The following FANCC variants were observed in gnomAD, a reference collection of about 807,000 sequenced individuals.
The protein encoded by FANCC is Fanconi anemia group C protein.
FANCC carries 55 observed loss-of-function variants against 71.3 expected under a neutral mutation model. The ratio of observed to expected loss-of-function variants is 0.77; its 90% CI spans 0.62 to 0.97. The LOEUF (loss-of-function observed/expected upper bound fraction) is 0.97, where lower values mean the gene tolerates loss of function less well. FANCC is among the 50% of genes least tolerant of loss of function. The probability of loss-of-function intolerance (pLI) is 0.00; values close to 1 mark genes in which losing one functional copy is unlikely to be tolerated. For synonymous variants in FANCC, 275 were observed against 244.9 expected (o/e 1.12, Z -1.15); for missense variants, 678 against 670.9 (o/e 1.01, Z -0.12).
At chr9:95,263,498 A>ATG (rs1042625090) in intron 1 of FANCC, among the ~76,000 whole-genome samples, 2 of 146,482 alleles carry the variant, frequency 1.4e-5, no homozygotes, top group Admixed American at 6.9e-5. Flanking sequence ...GTGTGTATGT[A>ATG]TGTGTATATA....
intron 14 of FANCC, among the ~76,000 whole-genome samples, chr9:95,104,580 A>G (rs1477212746): frequency 6.6e-6 from 1 of 152,160 alleles, no homozygotes; most frequent in African/African-American, 2.4e-5. Flanking sequence ...CTCTGGGCCC[A>G]GTCTTGAGGG....
At chr9:95,188,872 C>T (rs1826897809) in intron 4 of FANCC, among the ~76,000 whole-genome samples, 1 of 152,166 alleles carries the variant, frequency 6.6e-6, no homozygotes, top group African/African-American at 2.4e-5. Flanking sequence ...ACTCTGCATA[C>T]TCAAACTTAC....
chr9:95,291,947 CAAA>C (rs775436297), intron 1 of FANCC, among the ~76,000 whole-genome samples: 1,262 of 40,634 alleles, frequency 0.031, 15 homozygotes, highest in African/African-American at 0.084. Flanking sequence ...GACTCTGTCT[CAAA>C]AAAAAAAAAA....
intron 4 of FANCC, 26 bp downstream of exon 4, chr9:95,240,623 G>A: frequency 6.6e-7 from 1 of 1,519,754 alleles, no homozygotes; most frequent in South Asian, 1.1e-5. Context: ...ATTCAAAGAA[G>A]TGCAGAGCAA....
At chr9:95,244,523 C>T (rs1488962911) in intron 3 of FANCC, among the ~76,000 whole-genome samples, 1 of 151,580 alleles carries the variant, frequency 6.6e-6, no homozygotes, top group African/African-American at 2.4e-5. Flanking sequence ...AGTAAGAATA[C>T]AAAAAATTAG....
rs1173034463 is a variant in FANCC at position 95,304,849 on chromosome 9, T to C, written c.-79+12677A>G. 2.1e-5 allele frequency among the ~76,000 whole-genome samples: 3 copies of C among 144,880 alleles called. No homozygotes were observed. The East Asian group carries it at 6.1e-4, about 30-fold the overall frequency. The stretch of plus-strand genomic sequence containing the variant: ...GTTGTGTCCTTTATGCTGATGGAAA[T>C]AGCCAAAGTTCCTCTGAAAAAGGTA... On this transcript the variant is annotated intron_variant, in intron 1 of 14. Coordinates refer to ENST00000289081, the MANE Select transcript of FANCC (RefSeq NM_000136.3).
chr9:95,131,506 A>G (rs1343159119), intron 8 of FANCC, among the ~76,000 whole-genome samples: 1 of 152,210 alleles, frequency 6.6e-6, no homozygotes, highest in African/African-American at 2.4e-5. Context: ...CTTTCTTCAC[A>G]GAGACTATGC....
intron 14 of FANCC, among the ~76,000 whole-genome samples, chr9:95,106,378 T>C (rs931397723): frequency 2.2e-4 from 34 of 152,262 alleles, no homozygotes; most frequent in African/African-American, 7.5e-4. Flanking sequence ...TAATCATATA[T>C]ATTATTTCCA....
chr9:95,177,403 C>T (rs1168933724), intron 4 of FANCC, among the ~76,000 whole-genome samples: 1 of 152,168 alleles, frequency 6.6e-6, no homozygotes, highest in Non-Finnish European at 1.5e-5. Context: ...AATATGAAGG[C>T]CGAAGACATG....
chr9:95,104,048 G>A (rs891508005), intron 14 of FANCC, among the ~76,000 whole-genome samples: 8 of 152,120 alleles, frequency 5.3e-5, no homozygotes, highest in Admixed American at 2.6e-4. Flanking sequence ...GGGAAAGGCC[G>A]TCCCACCAAA....
At chr9:95,143,019 G>T (rs1396575621) in intron 7 of FANCC, among the ~76,000 whole-genome samples, 1 of 152,208 alleles carries the variant, frequency 6.6e-6, no homozygotes, top group African/African-American at 2.4e-5. Context: ...GCCAATCACA[G>T]GTCTAGGCCT....
intron 7 of FANCC, among the ~76,000 whole-genome samples, chr9:95,143,539 A>C (rs960043979): frequency 5.9e-5 from 9 of 152,276 alleles, no homozygotes; most frequent in African/African-American, 2.2e-4. Flanking sequence ...CACTCAGGAA[A>C]TTTCAAGGGT....
At chr9:95,102,357 A>T (rs1382745942) in intron 14 of FANCC, among the ~76,000 whole-genome samples, 1 of 152,212 alleles carries the variant, frequency 6.6e-6, no homozygotes, top group East Asian at 1.9e-4. Flanking sequence ...TAAGGTTTTA[A>T]CACCTGATTC....
chr9:95,125,016 C>G (rs1049910861), intron 10 of FANCC, 70 bp downstream of exon 10: 4 of 1,355,852 alleles, frequency 3.0e-6, no homozygotes, highest in Non-Finnish European at 4.2e-6. Flanking sequence ...ATAAAGTGCT[C>G]TTGTCCAAAA....
chr9:95,274,199 G>A (rs530617114), intron 1 of FANCC, among the ~76,000 whole-genome samples: 24 of 152,058 alleles, frequency 1.6e-4, no homozygotes, highest in Non-Finnish European at 2.8e-4. Flanking sequence ...GACAGACCCT[G>A]GTGTGTGATG....
intron 1 of FANCC, among the ~76,000 whole-genome samples, chr9:95,253,356 T>C (rs1831468748): frequency 6.6e-6 from 1 of 152,136 alleles, no homozygotes; most frequent in Non-Finnish European, 1.5e-5. Context: ...TCTTGACAGG[T>C]AGAACTCAGT....
At chr9:95,165,940 TA>T in intron 6 of FANCC, among the ~76,000 whole-genome samples, 1 of 152,102 alleles carries the variant, frequency 6.6e-6, no homozygotes, top group East Asian at 1.9e-4. Flanking sequence ...ATCTGCTTCA[TA>T]TATTTGGATG....
chr9:95,261,326 T>C (rs542964121), intron 1 of FANCC, among the ~76,000 whole-genome samples: 26 of 152,350 alleles, frequency 1.7e-4, no homozygotes, highest in Admixed American at 3.9e-4. Flanking sequence ...CAAAATCCTT[T>C]ATCTTGCTCC....
Position 95,099,155 on chromosome 9 carries a change from A to G in FANCC, c.*2552T>C, listed in dbSNP as rs9673. The G allele has an allele frequency of 0.026, 5,601 of 215,522 alleles. 107 individuals carry two copies. Among genetic ancestry groups the G allele is most frequent in the Admixed American group, 0.044 (749 of 17,096 alleles). The allele number at this position is 215,522 out of a possible 1,614,324, so 13.4% of individuals were successfully genotyped here. ...CACAGATGTCACGGAGTCCAGGGGA[A>G]TAACAGCCTGGTTGGAGGGGCGCTC... On this transcript the variant is annotated 3_prime_UTR_variant, in exon 15 of 15. Coordinates refer to ENST00000289081, the MANE Select transcript of FANCC (RefSeq NM_000136.3).
Sources: gnomAD v4.1 joint callset for allele counts (sites outside exome capture counted in the v4.1 genomes callset) on GRCh38, gnomAD v4.1.1 for gene constraint, MANE v1.5 for transcripts, NCBI Gene and HGNC (gene_info 2026-07-23, HGNC 2026-07-21) for gene names.